Variants in PRKD1 observed in about 807,000 individuals in gnomAD.
PRKD1 encodes the protein serine/threonine-protein kinase D1.
PRKD1 carries 63 observed loss-of-function variants against 95.9 expected under a neutral mutation model. The observed-to-expected ratio is 0.66, with a 90% confidence interval of 0.54 to 0.81. PRKD1 has a LOEUF of 0.81. PRKD1 is among the 30% of genes least tolerant of loss of function. The pLI is 0.00. For missense variants in PRKD1, 1,048 were observed against 1,165.3 expected, an observed-to-expected ratio of 0.90 and a Z score of 1.47; for synonymous variants, 425 against 423.1, an observed-to-expected ratio of 1.00 and a Z score of -0.05.
At chr14:29,627,653 C>T (rs1276181801) in intron 11 of PRKD1, among the ~76,000 whole-genome samples, 1 of 151,934 alleles carries the variant, frequency 6.6e-6, no homozygotes, top group Non-Finnish European at 1.5e-5. Flanking sequence ...TTTTTTTAAA[C>T]TCCTTCTGCA....
At chr14:29,765,849 G>A (rs1888233249) in intron 1 of PRKD1, among the ~76,000 whole-genome samples, 1 of 152,104 alleles carries the variant, frequency 6.6e-6, no homozygotes, top group South Asian at 2.1e-4. Context: ...TGTACATATA[G>A]GTGGTAACAT....
intron 13 of PRKD1, among the ~76,000 whole-genome samples, chr14:29,606,678 C>A (rs979211526): frequency 3.3e-5 from 5 of 152,304 alleles, no homozygotes; most frequent in Middle Eastern, 3.4e-3. Context: ...TCCATGCCAA[C>A]CCTCATTTAC....
In PRKD1 at chr14:29,910,718, T is replaced by C. The variant is rs118039619; in HGVS notation, c.264+16531A>G. 3.8e-3 allele frequency among the ~76,000 whole-genome samples: 579 copies of C among 152,286 alleles called. 1 individual carries two copies. Among genetic ancestry groups the C allele is most frequent in the Admixed American group, 7.3e-3 (112 of 15,288 alleles). On this transcript the variant is annotated intron_variant, in intron 1 of 17. Transcript: ENST00000331968. ...GACTTGTTAGGACAAAGAGGTAATA[T>C]ATAAATGGAATCCAGGGATGTGGGA...
rs58797570 is a variant in PRKD1, at chr14:29,723,670, CGTGTGT to C, written c.403+1860_403+1865del. 2.8e-4 allele frequency among the ~76,000 whole-genome samples: 42 copies of C among 149,632 alleles called. No homozygotes were observed. The East Asian group carries it at 6.0e-3, about 21-fold the overall frequency. Reference sequence around the variant, plus strand: ...GGAGATCTAAACATAATTGAGTGTGCGTGTGTGTGTGTGTGTGTGTGTGTAATTGAT... The same window carrying C: ...GGAGATCTAAACATAATTGAGTGTGCGTGTGTGTGTGTGTGTGTAATTGAT... On this transcript the variant is annotated intron_variant, in intron 2 of 17. Coordinates refer to ENST00000331968, the MANE Select transcript of PRKD1 (RefSeq NM_002742.3).
chr14:29,589,395 A>T (rs1434672881), intron 16 of PRKD1, among the ~76,000 whole-genome samples: 1 of 152,194 alleles, frequency 6.6e-6, no homozygotes, highest in Non-Finnish European at 1.5e-5. Context: ...CAGCTATATA[A>T]TCAAGTCAGC....
chr14:29,818,741 T>C lies in PRKD1; in HGVS notation c.265-93067A>G, dbSNP rs373875754. On this transcript the variant is annotated intron_variant, in intron 1 of 17. Coordinates refer to ENST00000331968, the MANE Select transcript of PRKD1 (RefSeq NM_002742.3). ...TGCAGTATCAGAAAGAGTCTAGTTA[T>C]TTACAAAATATTGGCATATTCAATC... Among the ~76,000 whole-genome samples the C allele has an allele frequency of 1.1e-4, 17 of 152,246 alleles. No homozygotes were observed. The East Asian group carries it at 2.7e-3, about 24-fold the overall frequency.
At chr14:29,824,127 G>C (rs1891024207) in intron 1 of PRKD1, among the ~76,000 whole-genome samples, 1 of 152,126 alleles carries the variant, frequency 6.6e-6, no homozygotes, top group Admixed American at 6.6e-5. Context: ...TGAGGGTCCA[G>C]CAATTCTGTA....
chr14:29,616,029 C>T (rs1878829007), intron 13 of PRKD1, among the ~76,000 whole-genome samples: 3 of 151,868 alleles, frequency 2.0e-5, no homozygotes, highest in Admixed American at 1.3e-4. Flanking sequence ...TAAGCAATGG[C>T]CTAAGAGATG....
intron 1 of PRKD1, among the ~76,000 whole-genome samples, chr14:29,911,061 A>G (rs1203003768): frequency 6.6e-6 from 1 of 152,216 alleles, no homozygotes; most frequent in Non-Finnish European, 1.5e-5. Context: ...CATACTATAT[A>G]CATATGATTA....
intron 4 of PRKD1, chr14:29,657,285 TG>T (rs773703193): frequency 6.6e-6 from 1 of 152,240 alleles, no homozygotes; most frequent in Non-Finnish European, 1.5e-5. Context: ...TTTTCATCTC[TG>T]TTCTCTCAAG....
At chr14:29,727,210 T>C (rs1886202229) in intron 1 of PRKD1, among the ~76,000 whole-genome samples, 1 of 152,202 alleles carries the variant, frequency 6.6e-6, no homozygotes, top group Non-Finnish European at 1.5e-5. Context: ...ATGAGAAGCA[T>C]CTGTTCATGT....
At chr14:29,800,877 A>G (rs1889999659) in intron 1 of PRKD1, among the ~76,000 whole-genome samples, 2 of 152,180 alleles carry the variant, frequency 1.3e-5, no homozygotes, top group South Asian at 2.1e-4. Flanking sequence ...TCATGATAAG[A>G]CCCCTGGCAC....
chr14:29,603,020 A>G (rs780901197), intron 13 of PRKD1, among the ~76,000 whole-genome samples: 2 of 152,138 alleles, frequency 1.3e-5, no homozygotes, highest in Non-Finnish European at 2.9e-5. Context: ...TTATTTCCCA[A>G]TTTGGGCTTT....
At chr14:29,644,336 C>A (rs1274566255) in intron 4 of PRKD1, among the ~76,000 whole-genome samples, 1 of 152,132 alleles carries the variant, frequency 6.6e-6, no homozygotes, top group Non-Finnish European at 1.5e-5. Context: ...CTTCTGCTAC[C>A]AAACTCAAAC....
intron 2 of PRKD1, among the ~76,000 whole-genome samples, chr14:29,718,919 G>A (rs1885751828): frequency 6.6e-6 from 1 of 151,938 alleles, no homozygotes; most frequent in Non-Finnish European, 1.5e-5. Context: ...CACTCTTGGG[G>A]TTTTTATCTT....
intron 13 of PRKD1, among the ~76,000 whole-genome samples, chr14:29,610,352 C>T (rs1188522230): frequency 6.6e-6 from 1 of 151,898 alleles, no homozygotes; most frequent in African/African-American, 2.4e-5. Context: ...AAAAAATGGG[C>T]CAAAAACCTT....
At chr14:29,742,710 A>G (rs953379874) in intron 1 of PRKD1, among the ~76,000 whole-genome samples, 1 of 152,242 alleles carries the variant, frequency 6.6e-6, no homozygotes, top group Non-Finnish European at 1.5e-5. Context: ...TACTGTGACT[A>G]TGCATAAAAT....
chr14:29,662,643 C>T (rs1334177843), intron 4 of PRKD1, among the ~76,000 whole-genome samples: 10 of 152,018 alleles, frequency 6.6e-5, no homozygotes, highest in Admixed American at 6.6e-4. Context: ...CTGGTTTACA[C>T]TGTAAAAAAA....
In PRKD1 at chr14:29,597,576, A is replaced by G. The variant is rs748440228; in HGVS notation, c.2349T>C (p.Phe783=). ...GGTCGTGTATGTCTTCATCTTCATTAAATGGGAATGTGCCGCTTAGGCTTA... is the reference window on the plus strand; with the variant it reads ...GGTCGTGTATGTCTTCATCTTCATTGAATGGGAATGTGCCGCTTAGGCTTA... ...IYVSLSGTFP[F]NEDEDIHDQI... Residue 783 remains phenylalanine (F), a synonymous_variant, in exon 16 of 18, where the codon TTT becomes TTC. Coordinates refer to ENST00000331968, the MANE Select transcript of PRKD1 (RefSeq NM_002742.3). 1 of 1,614,060 alleles carries G rather than the reference A, an allele frequency of 6.2e-7. No individual in the cohort carries two copies.
Sources: gnomAD v4.1 joint callset for allele counts (sites outside exome capture counted in the v4.1 genomes callset) on GRCh38, gnomAD v4.1.1 for gene constraint, MANE v1.5 for transcripts, NCBI Gene and HGNC (gene_info 2026-07-23, HGNC 2026-07-21) for gene names.